Variants in POU6F2 observed in about 807,000 individuals in gnomAD.
POU6F2 encodes POU class 6 homeobox 2.
A neutral mutation model predicts 71.3 loss-of-function variants in POU6F2; 31 were observed. The observed-to-expected ratio is 0.43, with a 90% CI of 0.33 to 0.59. The LOEUF is 0.59. POU6F2 is among the 20% of genes least tolerant of loss of function. POU6F2 has a pLI of 0.04. For missense variants in POU6F2, 783 were observed against 856.8 expected (o/e 0.91, Z 1.07); for synonymous variants, 347 against 355.7 (o/e 0.98, Z 0.27).
At chr7:39,073,056 T>C (rs1283729596) in intron 1 of POU6F2, among the ~76,000 whole-genome samples, 1 of 152,224 alleles carries the variant, frequency 6.6e-6, no homozygotes, top group Non-Finnish European at 1.5e-5. Flanking sequence ...AGCTAATGTT[T>C]CTAGATCTTT....
intron 4 of POU6F2, among the ~76,000 whole-genome samples, chr7:39,297,804 G>C (rs1784880747): frequency 6.6e-6 from 1 of 150,976 alleles, no homozygotes; most frequent in South Asian, 2.1e-4. Context: ...TACCAAAACA[G>C]ACATACAGAT....
At chr7:39,048,707 G>T (rs1015884157) in intron 1 of POU6F2, among the ~76,000 whole-genome samples, 6 of 151,882 alleles carry the variant, frequency 4.0e-5, no homozygotes, top group Non-Finnish European at 8.8e-5. Context: ...ACCCAATAAT[G>T]GGATTGCTGG....
chr7:39,035,972 A>G (rs1304999862), intron 1 of POU6F2, among the ~76,000 whole-genome samples: 1 of 152,112 alleles, frequency 6.6e-6, no homozygotes, highest in African/African-American at 2.4e-5. Context: ...AACATAAGTC[A>G]CAAGTACAGT....
chr7:39,392,959 C>T (rs143332706), intron 5 of POU6F2, among the ~76,000 whole-genome samples: 95 of 152,306 alleles, frequency 6.2e-4, no homozygotes, highest in Middle Eastern at 3.4e-3. Context: ...TCCCTGCTCT[C>T]TTCTTCCTAA....
In POU6F2 at chr7:39,025,339, C is replaced by T. The variant is rs149032835; in HGVS notation, c.105+47281C>T. 6.8e-3 allele frequency among the ~76,000 whole-genome samples: 1,035 copies of T among 152,300 alleles called. 18 individuals carry two copies. Among genetic ancestry groups the T allele is most frequent in the African/African-American group, 0.023 (958 of 41,568 alleles). The stretch of plus-strand genomic sequence containing the variant: ...AAGCTGGAGGCATCACGCTACCTGA[C>T]TTCAGACTACACTACAAGGCTATAG... On this transcript the variant is annotated intron_variant, in intron 1 of 9. Transcript: ENST00000518318.
At chr7:39,313,552 G>A (rs1016084383) in intron 4 of POU6F2, among the ~76,000 whole-genome samples, 3 of 151,736 alleles carry the variant, frequency 2.0e-5, no homozygotes, top group Non-Finnish European at 4.4e-5. Context: ...GTAGCCATTC[G>A]AGTATTTATT....
intron 6 of POU6F2, among the ~76,000 whole-genome samples, chr7:39,429,962 C>CT (rs1472775497): frequency 6.6e-6 from 1 of 152,192 alleles, no homozygotes; most frequent in Admixed American, 6.5e-5. Context: ...AGTCTCAGAT[C>CT]TTTGCCATCT....
intron 5 of POU6F2, among the ~76,000 whole-genome samples, chr7:39,364,420 C>T (rs1354960645): frequency 4.6e-5 from 7 of 152,122 alleles, no homozygotes; most frequent in Admixed American, 2.0e-4. Context: ...ACCCCTTTTC[C>T]ACCCTTTCCT....
At chr7:39,335,255 A>G (rs1785745890) in intron 4 of POU6F2, among the ~76,000 whole-genome samples, 1 of 152,164 alleles carries the variant, frequency 6.6e-6, no homozygotes, top group Non-Finnish European at 1.5e-5. Flanking sequence ...TCTGTTCCTT[A>G]TAATAACTCG....
rs1486426163 is a variant in POU6F2 at position 39,460,880 on chromosome 7, C to T, written c.1658+165C>T. ...GGATTGGTGATCTTGATGCAAACGA[C>T]GCTGCTGAAGCAAATTTGGGGGTCC... On this transcript the variant is annotated intron_variant, in intron 9 of 9. Transcript: ENST00000518318. This position sits in a 1 kb window ranked among gnomAD's most constrained non-coding sequence, Gnocchi z 4.4. Among the ~76,000 whole-genome samples the T allele has an allele frequency of 2.0e-5, 3 of 152,130 alleles. No homozygotes were observed. Among genetic ancestry groups the T allele is most frequent in the African/African-American group, 7.2e-5 (3 of 41,424 alleles).
chr7:39,152,906 A>G (rs561333682), intron 2 of POU6F2, among the ~76,000 whole-genome samples: 29 of 152,180 alleles, frequency 1.9e-4, no homozygotes, highest in Non-Finnish European at 3.4e-4. Flanking sequence ...CTGCCTTTAT[A>G]TATAGTTAAA....
At chr7:39,356,744 A>G (rs939342680) in intron 5 of POU6F2, among the ~76,000 whole-genome samples, 1 of 152,184 alleles carries the variant, frequency 6.6e-6, no homozygotes, top group African/African-American at 2.4e-5. Flanking sequence ...AAGAAGAGCT[A>G]TTTATTGTTA....
At chr7:39,371,401 G>A (rs940693865) in intron 5 of POU6F2, among the ~76,000 whole-genome samples, 2 of 151,994 alleles carry the variant, frequency 1.3e-5, no homozygotes, top group East Asian at 3.9e-4. Flanking sequence ...GGCTGGTCTC[G>A]AACTCTTGAC....
At chr7:39,349,251 G>A (rs1786091664) in intron 5 of POU6F2, among the ~76,000 whole-genome samples, 1 of 152,180 alleles carries the variant, frequency 6.6e-6, no homozygotes. Context: ...AAAATACCTG[G>A]CTGGGTTGCT....
chr7:39,451,273 T>C lies in POU6F2; in HGVS notation c.1321-260T>C, dbSNP rs537676772. On this transcript the variant is annotated intron_variant, in intron 7 of 9. Coordinates refer to ENST00000518318, the MANE Select transcript of POU6F2 (RefSeq NM_001370959.1). The stretch of plus-strand genomic sequence containing the variant: ...TGCCAGGGTCGAGAAATGTAGAAAA[T>C]TGGGTGCTCTAACAAGCCAAGTAGG... Among the ~76,000 whole-genome samples, 18 of 151,702 alleles carry C rather than the reference T, an allele frequency of 1.2e-4. No individual in the cohort carries two copies. The South Asian group carries it at 1.9e-3, about 16-fold the overall frequency.
chr7:39,108,451 A>C (rs941247461), intron 2 of POU6F2, among the ~76,000 whole-genome samples: 53 of 152,182 alleles, frequency 3.5e-4, no homozygotes, highest in African/African-American at 1.2e-3. Context: ...GCTCCCACAC[A>C]GCATCCAGAC....
Position 39,339,648 on chromosome 7 carries a change from C to G in POU6F2, c.605C>G (p.Ser202Ter). The change falls in exon 5 of 10, where the codon TCA becomes TGA. Residue 202 changes from serine to a stop codon, truncating the protein, a stop_gained. Transcript: ENST00000518318. LOFTEE classifies it high-confidence loss of function. The part of the protein sequence containing the change: ...TLPLQNLQAT[S>*]SLNSQLQQLQ... ...TCGCTTTCTCTCCTTGTAGCTACCT[C>G]ATCCCTGAACTCCCAGCTCCAGCAG... 1 of 1,589,002 alleles carries G rather than the reference C, an allele frequency of 6.3e-7. No homozygotes were observed. Among genetic ancestry groups the G allele is most frequent in the African/African-American group, 1.3e-5 (1 of 74,842 alleles).
At chr7:39,409,195 A>G (rs1347099590) in intron 6 of POU6F2, among the ~76,000 whole-genome samples, 1 of 152,214 alleles carries the variant, frequency 6.6e-6, no homozygotes, top group African/African-American at 2.4e-5. Context: ...AACTCTGAAT[A>G]TGTTTAAAGA....
intron 2 of POU6F2, among the ~76,000 whole-genome samples, chr7:39,152,515 A>G (rs535306556): frequency 1.3e-5 from 2 of 152,270 alleles, no homozygotes; most frequent in South Asian, 4.2e-4. Context: ...AAAAGGTGGC[A>G]AATGGGCAAA....
Sources: allele counts gnomAD v4.1 joint callset (sites outside exome capture counted in the v4.1 genomes callset), GRCh38; gene constraint gnomAD v4.1.1; non-coding constraint Gnocchi (gnomAD v3.1); transcripts MANE v1.5; gene names NCBI Gene and HGNC (gene_info 2026-07-23, HGNC 2026-07-21).